PDZD2: variants seen among roughly 807,000 people sequenced by gnomAD.
PDZD2 encodes PDZ domain-containing protein 2.
In PDZD2, 90 loss-of-function variants were observed where a neutral mutation model predicts 220.7. The observed-to-expected ratio is 0.41, with a 90% CI of 0.34 to 0.49. The LOEUF (loss-of-function observed/expected upper bound fraction) is 0.49. Ranked by LOEUF, PDZD2 falls within the 20% of genes least tolerant of loss-of-function variation. PDZD2 has a pLI of 0.28. For synonymous variants in PDZD2, 1,375 were observed against 1,450.5 expected (o/e 0.95, Z 1.18); for missense variants, 3,174 against 3,608.5 (o/e 0.88, Z 3.08).
intron 3 of PDZD2, 35 bp from the exon 4 acceptor site, chr5:31,995,541 A>T: frequency 1.2e-6 from 2 of 1,613,298 alleles, no homozygotes; most frequent in Non-Finnish European, 1.7e-6. Context: ...GTGTCTGTCA[A>T]CCTCCTTCAT....
In PDZD2 at chr5:31,648,675, C is replaced by CT. The variant is rs553089526; in HGVS notation, c.-361+9250dup. 3.4e-3 allele frequency among the ~76,000 whole-genome samples: 499 copies of CT among 145,224 alleles called. 3 individuals are homozygous for CT. Among genetic ancestry groups the CT allele is most frequent in the African/African-American group, 0.011 (434 of 39,910 alleles). Reference sequence around the variant, plus strand: ...AGAGGGGTCTTTTATTTTTTTAAGACTTTTTTTTTTTTAATATAGCAATTT... The same window carrying CT: ...AGAGGGGTCTTTTATTTTTTTAAGACTTTTTTTTTTTTTAATATAGCAATTT... On this transcript the variant is annotated intron_variant, in intron 1 of 24. Coordinates refer to ENST00000438447, the MANE Select transcript of PDZD2 (RefSeq NM_178140.4).
intron 8 of PDZD2, among the ~76,000 whole-genome samples, chr5:32,051,734 A>G (rs541095805): frequency 3.3e-5 from 5 of 152,256 alleles, no homozygotes; most frequent in South Asian, 4.1e-4. Context: ...GTGGCTCATT[A>G]TGGGAAAATA....
intron 14 of PDZD2, among the ~76,000 whole-genome samples, chr5:32,061,430 T>C (rs1272570826): frequency 1.3e-5 from 2 of 152,216 alleles, no homozygotes; most frequent in African/African-American, 4.8e-5. Flanking sequence ...CTTTGGGTTT[T>C]TGCAACAACA....
chr5:32,075,568 G>A (rs750984278), intron 18 of PDZD2, among the ~76,000 whole-genome samples: 1 of 152,194 alleles, frequency 6.6e-6, no homozygotes, highest in Non-Finnish European at 1.5e-5. Flanking sequence ...TTAAATGCAA[G>A]TTAATATTGG....
At chr5:31,913,621 G>A (rs932526982) in intron 2 of PDZD2, among the ~76,000 whole-genome samples, 4 of 152,194 alleles carry the variant, frequency 2.6e-5, no homozygotes, top group Non-Finnish European at 5.9e-5. Context: ...CATGGCTCTT[G>A]CTGCCAGTGT....
At chr5:31,908,616 C>CA in intron 2 of PDZD2, 1 of 1,014,032 alleles carries the variant, frequency 9.9e-7, no homozygotes, top group Non-Finnish European at 1.5e-6. Context: ...GAGAAGCCTA[C>CA]AAGAAATACA....
chr5:31,837,016 AAAAGAAAGAAAGAAAGAAAGAAAG>A (rs5867108), intron 2 of PDZD2, among the ~76,000 whole-genome samples: 5 of 146,680 alleles, frequency 3.4e-5, no homozygotes, highest in African/African-American at 5.0e-5. Context: ...AGACTGTCTT[AAAAGAAAGAAAGAAAGAAAGAAAG>A]AAAGAAAGAA....
chr5:31,680,612 G>A lies in PDZD2; in HGVS notation c.-361+41175G>A, dbSNP rs572937135. Among the ~76,000 whole-genome samples, 5 of 152,252 alleles carry A rather than the reference G, an allele frequency of 3.3e-5. No individual in the cohort carries two copies. The South Asian group carries it at 8.3e-4, about 25-fold the overall frequency. On this transcript the variant is annotated intron_variant, in intron 1 of 24. Transcript: ENST00000438447. ...TGGAATCGACCTGCATGTGGCTCCC[G>A]TTTCTGTGGCCAGACCCTGGTGGTG...
chr5:31,783,330 G>T (rs1753168186), intron 1 of PDZD2, among the ~76,000 whole-genome samples: 1 of 152,094 alleles, frequency 6.6e-6, no homozygotes, highest in African/African-American at 2.4e-5. Context: ...GAGAGCCTTG[G>T]AGAACACGGG....
At chr5:31,784,159 C>T (rs1490631345) in intron 1 of PDZD2, among the ~76,000 whole-genome samples, 2 of 152,168 alleles carry the variant, frequency 1.3e-5, no homozygotes, top group Admixed American at 6.5e-5. Flanking sequence ...CCGTCCTCAC[C>T]TCCTGCAGGC....
rs776554445 is a variant in PDZD2, at chr5:32,023,742, G to T, written c.1407+13260G>T. 4.8e-4 allele frequency among the ~76,000 whole-genome samples: 73 copies of T among 152,180 alleles called. 3 individuals carry two copies. Among genetic ancestry groups the T allele is most frequent in the Non-Finnish European group, 8.8e-5 (6 of 68,032 alleles). Reference sequence around the variant, plus strand: ...AACGACTCTGGGTACAGATGGCAGTGGGGAGATGGGTAGGGCTAGAGTATG... The same window carrying T: ...AACGACTCTGGGTACAGATGGCAGTTGGGAGATGGGTAGGGCTAGAGTATG... On this transcript the variant is annotated intron_variant, in intron 6 of 24. Transcript: ENST00000438447.
At chr5:31,671,136 C>T (rs753659313) in intron 1 of PDZD2, among the ~76,000 whole-genome samples, 11 of 152,086 alleles carry the variant, frequency 7.2e-5, no homozygotes, top group Non-Finnish European at 1.5e-4. Context: ...TTCCTACTCT[C>T]GAGGAACTCT....
At chr5:31,848,122 C>G in intron 2 of PDZD2, 1 of 312,710 alleles carries the variant, frequency 3.2e-6, no homozygotes, top group Non-Finnish European at 6.2e-6. Flanking sequence ...AGGCAAGCTT[C>G]CTCAGAGCTC....
Position 31,799,028 on chromosome 5 carries a change from C to CA in PDZD2, c.-220dup. 1.8e-6 allele frequency: 1 copy of CA among 561,900 alleles called. No homozygotes were observed. Among genetic ancestry groups the CA allele is most frequent in the Non-Finnish European group, 3.2e-6 (1 of 315,556 alleles). The allele number at this position is 561,900 out of a possible 1,614,324, so 34.8% of individuals were successfully genotyped here. A position where few individuals can be genotyped will look rare whatever the true frequency, so the allele number is the denominator to read the frequency against. Reference sequence around the variant, plus strand: ...TCCTTCCTTCCCTCATTGAGCACTCCAGTGCCATTGTTCCACAGTTGTTCT... The same window carrying CA: ...TCCTTCCTTCCCTCATTGAGCACTCCAAGTGCCATTGTTCCACAGTTGTTCT... On this transcript the variant is annotated 5_prime_UTR_variant, in exon 2 of 25. Coordinates refer to ENST00000438447, the MANE Select transcript of PDZD2 (RefSeq NM_178140.4).
At chr5:31,851,930 C>A (rs1011624681) in intron 2 of PDZD2, among the ~76,000 whole-genome samples, 1 of 151,584 alleles carries the variant, frequency 6.6e-6, no homozygotes, top group African/African-American at 2.4e-5. Flanking sequence ...GATCTCGGCT[C>A]ACTGCAACCT....
intron 2 of PDZD2, among the ~76,000 whole-genome samples, chr5:31,950,179 C>A (rs1747055584): frequency 1.3e-5 from 2 of 152,156 alleles, no homozygotes; most frequent in Admixed American, 1.3e-4. Context: ...GTGCCTGAAA[C>A]TATGTAGACT....
intron 2 of PDZD2, among the ~76,000 whole-genome samples, chr5:31,911,744 A>C (rs1452957041): frequency 6.6e-6 from 1 of 152,210 alleles, no homozygotes; most frequent in African/African-American, 2.4e-5. Flanking sequence ...CTGTTCTAGC[A>C]GAAAAATCAT....
Position 31,767,646 on chromosome 5 carries a change from C to T in PDZD2, c.-360-31243C>T, listed in dbSNP as rs144397407. Among the ~76,000 whole-genome samples the T allele has an allele frequency of 3.0e-4, 46 of 152,222 alleles. 2 individuals are homozygous for T. The East Asian group carries it at 6.4e-3, about 21-fold the overall frequency. Reference sequence around the variant, plus strand: ...GACCACATTTTATAAAAGATCAGTCCGTCAACGTAAGATGGAGACTATGTA... The same window carrying T: ...GACCACATTTTATAAAAGATCAGTCTGTCAACGTAAGATGGAGACTATGTA... On this transcript the variant is annotated intron_variant, in intron 1 of 24. Coordinates refer to ENST00000438447, the MANE Select transcript of PDZD2 (RefSeq NM_178140.4).
At chr5:31,862,101 G>GTTTTTTTTTTTTTTTTTTTTTT (rs11417935) in intron 2 of PDZD2, among the ~76,000 whole-genome samples, 1 of 78,496 alleles carries the variant, frequency 1.3e-5, no homozygotes, top group African/African-American at 4.8e-5. Context: ...TTTTTTTTGG[G>GTTTTTTTTTTTTTTTTTTTTTT]TTTTTTTTTT....
Sources: allele counts gnomAD v4.1 joint callset (sites outside exome capture counted in the v4.1 genomes callset), GRCh38; gene constraint gnomAD v4.1.1; transcripts MANE v1.5; gene names NCBI Gene and HGNC (gene_info 2026-07-23, HGNC 2026-07-21).